FAM135B: variants seen among roughly 807,000 people sequenced by gnomAD.
FAM135B encodes protein FAM135B.
A neutral mutation model predicts 127.7 loss-of-function variants in FAM135B; 43 were observed. The observed-to-expected ratio is 0.34, with a 90% confidence interval of 0.26 to 0.43. FAM135B has a LOEUF of 0.43. Among genes scored for constraint, FAM135B ranks in the 20% least tolerant of loss-of-function variants. The probability of loss-of-function intolerance (pLI) is 1.00; values close to 1 mark genes in which losing one functional copy is unlikely to be tolerated. For synonymous variants in FAM135B, 670 were observed against 665.1 expected (o/e 1.01, Z -0.11); for missense variants, 1,558 against 1,725.6 (o/e 0.90, Z 1.72).
chr8:138,234,616 TC>T (rs1383687062), intron 7 of FAM135B, among the ~76,000 whole-genome samples: 1 of 152,242 alleles, frequency 6.6e-6, no homozygotes, highest in Non-Finnish European at 1.5e-5. Flanking sequence ...GTAACTTTGG[TC>T]CTTCTCTAGG....
At chr8:138,134,828 G>C (rs750545847) in intron 19 of FAM135B, among the ~76,000 whole-genome samples, 2 of 152,040 alleles carry the variant, frequency 1.3e-5, no homozygotes, top group Non-Finnish European at 2.9e-5. Context: ...AAGAGAGGGC[G>C]ATTTTTTCTT....
intron 4 of FAM135B, among the ~76,000 whole-genome samples, chr8:138,261,590 G>A (rs536645100): frequency 6.6e-6 from 1 of 152,206 alleles, no homozygotes; most frequent in South Asian, 2.1e-4. Context: ...TATGCATTTT[G>A]TAAGGCTTCC....
chr8:138,479,335 G>C (rs1345769462), intron 1 of FAM135B, among the ~76,000 whole-genome samples: 1 of 152,138 alleles, frequency 6.6e-6, no homozygotes. Context: ...CCATCCTGGA[G>C]GTTGGGAGGC....
At chr8:138,373,036 G>A (rs894800579) in intron 1 of FAM135B, among the ~76,000 whole-genome samples, 1 of 152,180 alleles carries the variant, frequency 6.6e-6, no homozygotes, top group Non-Finnish European at 1.5e-5. Context: ...CCTTCGGGCA[G>A]GCAATGTTTG....
chr8:138,467,568 C>T (rs1837446242), intron 1 of FAM135B, among the ~76,000 whole-genome samples: 1 of 152,148 alleles, frequency 6.6e-6, no homozygotes, highest in Non-Finnish European at 1.5e-5. Context: ...TCTAGTGCTT[C>T]TGAAATACAG....
In FAM135B at chr8:138,495,049, A is replaced by G. The variant is rs921909979; in HGVS notation, c.-20+1622T>C. ...TGTTTCCACTGTGAGTCACTGACTA[A>G]TATTTCCACTCTCTTTTCGTAGTTG... is the stretch of plus-strand genomic sequence containing the variant. On this transcript the variant is annotated intron_variant, in intron 1 of 19. Coordinates refer to ENST00000395297, the MANE Select transcript of FAM135B (RefSeq NM_015912.4). 3.9e-4 allele frequency among the ~76,000 whole-genome samples: 59 copies of G among 152,214 alleles called. 1 individual carries two copies. Among genetic ancestry groups the G allele is most frequent in the Admixed American group, 7.9e-4 (12 of 15,280 alleles).
At chr8:138,239,452 T>G (rs7387393) in intron 7 of FAM135B, among the ~76,000 whole-genome samples, 7,340 of 152,122 alleles carry the variant, frequency 0.048, 239 homozygotes, top group Non-Finnish European at 0.078. Context: ...GATTCTGGAT[T>G]TTAGCCCTTT....
Position 138,140,216 on chromosome 8 carries a change from T to C in FAM135B, c.3790+982A>G, listed in dbSNP as rs1817012435. On this transcript the variant is annotated intron_variant, in intron 17 of 19. Transcript: ENST00000395297. ...TCATGTTCACAAGTATGCCATAAAATAACTTAAAAGCAAACTAACTAAACT... is the reference window on the plus strand; with the variant it reads ...TCATGTTCACAAGTATGCCATAAAACAACTTAAAAGCAAACTAACTAAACT... Among the ~76,000 whole-genome samples, 3 of 152,170 alleles carry C rather than the reference T, an allele frequency of 2.0e-5. 1 individual carries two copies. The South Asian group carries it at 6.2e-4, about 31-fold the overall frequency.
chr8:138,395,206 A>G (rs1277346655), intron 1 of FAM135B, among the ~76,000 whole-genome samples: 1 of 152,208 alleles, frequency 6.6e-6, no homozygotes, highest in Non-Finnish European at 1.5e-5. Flanking sequence ...CTCCACTTAT[A>G]TAATAAATTT....
Position 138,246,099 on chromosome 8 carries a change from T to A in FAM135B, c.543-3031A>T, listed in dbSNP as rs1156767245. Among the ~76,000 whole-genome samples the A allele has an allele frequency of 4.6e-5, 7 of 152,188 alleles. No individual in the cohort carries two copies. The East Asian group carries it at 9.6e-4, about 21-fold the overall frequency. On this transcript the variant is annotated intron_variant, in intron 6 of 19. Coordinates refer to ENST00000395297, the MANE Select transcript of FAM135B (RefSeq NM_015912.4). ...TTTAGGGTATCTGGTGGAAGAAATT[T>A]CTAAGCAGCAAAGCTTTCAAGAGGG...
chr8:138,428,411 C>T (rs1161846929), intron 1 of FAM135B, among the ~76,000 whole-genome samples: 1 of 152,080 alleles, frequency 6.6e-6, no homozygotes, highest in African/African-American at 2.4e-5. Context: ...GCTGTCTCTG[C>T]TTGCAACATA....
chr8:138,496,945 C>T lies in FAM135B; in HGVS notation c.-294G>A, dbSNP rs1461307007. The T allele has an allele frequency of 6.6e-6, 1 of 152,118 alleles. No individual in the cohort carries two copies. The highest frequency in any genetic ancestry group is 1.5e-5 in the Non-Finnish European group (1 of 68,026). The allele number at this position is 152,118 out of a possible 1,614,324, so 9.4% of individuals were successfully genotyped here. ...CGCAACTGCCCCCCTCTCCGTGCAA[C>T]AGCTGCCCGGCCGCGGCCTCCGGGC... On this transcript the variant is annotated 5_prime_UTR_variant, in exon 1 of 20. Coordinates refer to ENST00000395297, the MANE Select transcript of FAM135B (RefSeq NM_015912.4).
intron 3 of FAM135B, among the ~76,000 whole-genome samples, chr8:138,303,473 A>C (rs548483773): frequency 6.6e-6 from 1 of 152,218 alleles, no homozygotes; most frequent in African/African-American, 2.4e-5. Context: ...ATTAGGATAA[A>C]TACCTAATGT....
intron 3 of FAM135B, among the ~76,000 whole-genome samples, chr8:138,280,372 C>G (rs971970375): frequency 6.6e-6 from 1 of 151,704 alleles, no homozygotes; most frequent in African/African-American, 2.4e-5. Flanking sequence ...GGCCTGTTCT[C>G]CTGGGCTCAT....
intron 1 of FAM135B, among the ~76,000 whole-genome samples, chr8:138,456,462 T>C (rs1397138433): frequency 6.6e-6 from 1 of 152,194 alleles, no homozygotes; most frequent in Non-Finnish European, 1.5e-5. Context: ...GACAGGGTCT[T>C]AGCTTCTGTG....
chr8:138,175,461 C>T (rs1466420504), intron 11 of FAM135B, among the ~76,000 whole-genome samples: 1 of 152,208 alleles, frequency 6.6e-6, no homozygotes, highest in Admixed American at 6.5e-5. Flanking sequence ...TTCAAAAAGA[C>T]TTTTTCTTAT....
intron 7 of FAM135B, among the ~76,000 whole-genome samples, chr8:138,226,184 T>TGTGTGTGTGTGCGCGC: frequency 2.7e-4 from 37 of 139,292 alleles, no homozygotes; most frequent in Middle Eastern, 3.6e-3. Context: ...TGTGTGTGTG[T>TGTGTGTGTGTGCGCGC]GCGCGCATGT....
chr8:138,319,561 A>G (rs1827314438), intron 2 of FAM135B, among the ~76,000 whole-genome samples: 1 of 152,214 alleles, frequency 6.6e-6, no homozygotes, highest in South Asian at 2.1e-4. Context: ...GAAAGAAGCT[A>G]GGATGTGGAA....
chr8:138,304,766 AG>A (rs1489393304), intron 3 of FAM135B, among the ~76,000 whole-genome samples: 1 of 152,216 alleles, frequency 6.6e-6, no homozygotes, highest in East Asian at 1.9e-4. Context: ...CTTGGCCCAA[AG>A]GAAGTGGGGT....
Sources: allele counts gnomAD v4.1 joint callset (sites outside exome capture counted in the v4.1 genomes callset), GRCh38; gene constraint gnomAD v4.1.1; transcripts MANE v1.5; gene names NCBI Gene and HGNC (gene_info 2026-07-23, HGNC 2026-07-21).